PMS1: variants seen among roughly 807,000 people sequenced by gnomAD.
The protein encoded by PMS1 is PMS1 homolog 1, mismatch repair system component, also known as PMS1 protein homolog 1.
A neutral mutation model predicts 93.1 loss-of-function variants in PMS1; 79 were observed. The observed-to-expected ratio is 0.85, with a 90% CI of 0.71 to 1.02. The LOEUF (loss-of-function observed/expected upper bound fraction) is 1.02, where lower values mean the gene tolerates loss of function less well. PMS1 is among the 50% of genes least tolerant of loss of function. PMS1 has a pLI of 0.00. For missense variants in PMS1, 1,064 were observed against 1,085.3 expected, an observed-to-expected ratio of 0.98 and a Z score of 0.28; for synonymous variants, 335 against 363.4, an observed-to-expected ratio of 0.92 and a Z score of 0.89.
At chr2:189,869,444 G>A (rs978455311) in intron 11 of PMS1, among the ~76,000 whole-genome samples, 1 of 152,116 alleles carries the variant, frequency 6.6e-6, no homozygotes, top group African/African-American at 2.4e-5. Flanking sequence ...ATGGGTGGGG[G>A]TATATGTGTT....
chr2:189,855,246 C>T, intron 9 of PMS1, 118 bp downstream of exon 9: 2 of 869,022 alleles, frequency 2.3e-6, no homozygotes, highest in Non-Finnish European at 3.7e-6. Context: ...TCAGAAAATA[C>T]CTTTGGCTTG....
At chr2:189,785,252 T>G (rs1358816616) in intron 1 of PMS1, 1 of 152,260 alleles carries the variant, frequency 6.6e-6, no homozygotes, top group African/African-American at 2.4e-5. Flanking sequence ...TGAACCTAAT[T>G]GTTTTGGATT....
chr2:189,856,546 A>C (rs951078575), intron 9 of PMS1, among the ~76,000 whole-genome samples: 1 of 152,144 alleles, frequency 6.6e-6, no homozygotes, highest in Non-Finnish European at 1.5e-5. Flanking sequence ...TAAGGTTCAC[A>C]CAATTGTGAT....
chr2:189,802,101 GATTC>G (rs1172117685), intron 3 of PMS1, among the ~76,000 whole-genome samples: 1 of 151,922 alleles, frequency 6.6e-6, no homozygotes, highest in African/African-American at 2.4e-5. Context: ...TACATTTATT[GATTC>G]ATTCATCCAC....
At chr2:189,868,811 T>G (rs1463587236) in intron 11 of PMS1, among the ~76,000 whole-genome samples, 1 of 152,170 alleles carries the variant, frequency 6.6e-6, no homozygotes, top group Non-Finnish European at 1.5e-5. Context: ...TTTTACTTGA[T>G]TTTTGTGATT....
intron 4 of PMS1, among the ~76,000 whole-genome samples, chr2:189,807,410 A>G (rs1285587515): frequency 1.3e-5 from 2 of 152,206 alleles, no homozygotes; most frequent in African/African-American, 4.8e-5. Context: ...TTTTTAAAAT[A>G]TGGCTCCTCT....
chr2:189,852,871 A>G, intron 7 of PMS1, 94 bp downstream of exon 7: 5 of 787,570 alleles, frequency 6.3e-6, no homozygotes, highest in Non-Finnish European at 8.7e-6. Flanking sequence ...AAATAAAAAA[A>G]AAGAAATACA....
In PMS1 at chr2:189,865,687, A is replaced by T. The variant is rs1015064925; in HGVS notation, c.2342+1459A>T. Among the ~76,000 whole-genome samples the T allele has an allele frequency of 2.6e-5, 4 of 152,218 alleles. No individual in the cohort carries two copies. In the South Asian group the frequency reaches 8.3e-4, roughly 32 times the overall value. On this transcript the variant is annotated intron_variant, in intron 10 of 12. Transcript: ENST00000441310. The stretch of plus-strand genomic sequence containing the variant: ...TAACCTTGGATGACAAAGCCTGGGG[A>T]AACAAAAATAAAAAAGATTAAAAAA...
At chr2:189,816,141 A>G (rs1468328318) in intron 4 of PMS1, among the ~76,000 whole-genome samples, 1 of 152,158 alleles carries the variant, frequency 6.6e-6, no homozygotes, top group Non-Finnish European at 1.5e-5. Context: ...AAGCCATCCT[A>G]CTGCCTAAGG....
At chr2:189,845,271 T>C (rs2054158667) in intron 6 of PMS1, among the ~76,000 whole-genome samples, 1 of 152,164 alleles carries the variant, frequency 6.6e-6, no homozygotes, top group Non-Finnish European at 1.5e-5. Flanking sequence ...AAGCCCAGTA[T>C]TGTAGTGGGA....
intron 5 of PMS1, among the ~76,000 whole-genome samples, chr2:189,840,741 A>T (rs1029652064): frequency 2.0e-5 from 3 of 152,210 alleles, no homozygotes; most frequent in South Asian, 4.1e-4. Context: ...GTTACCAAGA[A>T]CTATATTCTC....
chr2:189,826,451 T>C (rs866199017), intron 5 of PMS1, among the ~76,000 whole-genome samples: 67 of 134,226 alleles, frequency 5.0e-4, no homozygotes, highest in African/African-American at 1.8e-3. Flanking sequence ...GTTTGGGGTC[T>C]TTTTTTTTTT....
At chr2:189,869,674 C>T (rs896703873) in intron 11 of PMS1, among the ~76,000 whole-genome samples, 6 of 151,900 alleles carry the variant, frequency 3.9e-5, no homozygotes, top group East Asian at 1.9e-4. Context: ...AAAAATTAGC[C>T]GGGCATGTGG....
Position 189,854,720 on chromosome 2 carries a change from A to G in PMS1, c.1448A>G (p.Glu483Gly). The G allele has an allele frequency of 6.2e-7, 1 of 1,613,958 alleles. No individual in the cohort carries two copies. Among genetic ancestry groups the G allele is most frequent in the South Asian group, 1.1e-5 (1 of 91,090 alleles). The change falls in exon 9 of 13, where the codon GAA becomes GGA. Residue 483 changes from glutamate to glycine, a missense_variant. By Grantham distance (98) the Glu-to-Gly change is moderately conservative. Coordinates refer to ENST00000441310, the MANE Select transcript of PMS1 (RefSeq NM_000534.5). ...DHIDESGENE[E>G]EAGLENSSEI... The stretch of plus-strand genomic sequence containing the variant: ...ATAGATGAGAGTGGGGAAAATGAGG[A>G]AGAAGCAGGTCTTGAAAACTCTTCG...
intron 9 of PMS1, chr2:189,857,348 G>T: frequency 3.0e-6 from 1 of 338,050 alleles, no homozygotes. Context: ...ACCTTTCAGA[G>T]CCAGGGTTCC....
chr2:189,803,557 T>C (rs2050076992), intron 3 of PMS1, among the ~76,000 whole-genome samples: 1 of 152,180 alleles, frequency 6.6e-6, no homozygotes, highest in African/African-American at 2.4e-5. Flanking sequence ...TAGTGTGTAC[T>C]GTTAGAGATG....
chr2:189,795,202 A>G (rs1394308118), intron 2 of PMS1, among the ~76,000 whole-genome samples: 1 of 152,230 alleles, frequency 6.6e-6, no homozygotes, highest in Non-Finnish European at 1.5e-5. Context: ...AAAGATTTAG[A>G]AAGTTATAAT....
intron 5 of PMS1, among the ~76,000 whole-genome samples, chr2:189,835,141 T>G (rs1000933324): frequency 6.6e-6 from 1 of 152,182 alleles, no homozygotes; most frequent in Admixed American, 6.5e-5. Context: ...TGCCCCTTCT[T>G]TAGGTAAAAT....
intron 9 of PMS1, among the ~76,000 whole-genome samples, chr2:189,858,353 G>T (rs1450365777): frequency 1.3e-5 from 2 of 152,004 alleles, no homozygotes; most frequent in Non-Finnish European, 2.9e-5. Context: ...TGCAACTAGG[G>T]TATTATGAAA....
Sources: allele counts gnomAD v4.1 joint callset (sites outside exome capture counted in the v4.1 genomes callset), GRCh38; gene constraint gnomAD v4.1.1; transcripts MANE v1.5; gene names NCBI Gene and HGNC (gene_info 2026-07-23, HGNC 2026-07-21).